PDGFC: variants seen among roughly 807,000 people sequenced by gnomAD.
PDGFC encodes the protein platelet-derived growth factor C.
Under a neutral mutation model 35.5 loss-of-function variants are expected in PDGFC, and 12 were observed. That is an observed-to-expected ratio of 0.34 (90% CI 0.22 to 0.55). The LOEUF (loss-of-function observed/expected upper bound fraction) is 0.55. Ranked by LOEUF, PDGFC falls within the 20% of genes least tolerant of loss-of-function variation. PDGFC has a pLI of 0.91. For missense variants in PDGFC, 322 were observed against 412.4 expected, an observed-to-expected ratio of 0.78 and a Z score of 1.90; for synonymous variants, 159 against 148.8, an observed-to-expected ratio of 1.07 and a Z score of -0.50.
At chr4:156,837,841 T>C (rs1368680566) in intron 2 of PDGFC, among the ~76,000 whole-genome samples, 2 of 152,210 alleles carry the variant, frequency 1.3e-5, no homozygotes, top group Non-Finnish European at 2.9e-5. Context: ...GGACACTTTC[T>C]TTCTCTACTT....
intron 1 of PDGFC, among the ~76,000 whole-genome samples, chr4:156,903,078 A>G (rs913101912): frequency 1.4e-5 from 2 of 140,440 alleles, no homozygotes; most frequent in Non-Finnish European, 3.1e-5. Context: ...CAAAACCAAT[A>G]AGGACAAAGA....
chr4:156,811,008 A>G lies in PDGFC; in HGVS notation c.324T>C (p.Phe108=). The change falls in exon 3 of 6, where the codon TTT becomes TTC. Residue 108 remains phenylalanine (F), a synonymous_variant. Transcript: ENST00000502773. ...DPEDDICKYD[F]VEVEEPSDGT... is the part of the protein sequence containing the mutation. ...CATCACTGGGTTCCTCAACTTCTAC[A>G]AAATCATACCTGCAAAAAGACAAAG... 6.4e-7 allele frequency: 1 copy of G among 1,570,118 alleles called. No individual in the cohort carries two copies. The highest frequency in any genetic ancestry group is 1.7e-4 in the Middle Eastern group (1 of 5,898).
At chr4:156,845,018 G>A (rs910823174) in intron 2 of PDGFC, among the ~76,000 whole-genome samples, 25 of 151,684 alleles carry the variant, frequency 1.6e-4, no homozygotes, top group Non-Finnish European at 1.0e-4. Flanking sequence ...AATATCTGAA[G>A]CAAATGAAGC....
rs528629561 is a variant in PDGFC, at chr4:156,784,484, A to G, written c.496-11591T>C. Among the ~76,000 whole-genome samples the G allele has an allele frequency of 2.6e-5, 4 of 152,320 alleles. No individual in the cohort carries two copies. In the East Asian group the frequency reaches 7.7e-4, roughly 29 times the overall value. On this transcript the variant is annotated intron_variant, in intron 3 of 5. Coordinates refer to ENST00000502773, the MANE Select transcript of PDGFC (RefSeq NM_016205.3). Reference sequence around the variant, plus strand: ...GTGTTCTGTGACCTTAGGAATAGAGAAGTTTCATCGAAGTAAGAAAGGAAG... The same window carrying G: ...GTGTTCTGTGACCTTAGGAATAGAGGAGTTTCATCGAAGTAAGAAAGGAAG...
intron 1 of PDGFC, among the ~76,000 whole-genome samples, chr4:156,852,878 C>T (rs1189943258): frequency 1.3e-5 from 2 of 152,114 alleles, no homozygotes; most frequent in African/African-American, 2.4e-5. Context: ...AGGATGACAG[C>T]CAGCAAGGAA....
At chr4:156,866,738 T>C (rs772284106) in intron 1 of PDGFC, among the ~76,000 whole-genome samples, 1 of 152,178 alleles carries the variant, frequency 6.6e-6, no homozygotes, top group South Asian at 2.1e-4. Flanking sequence ...ACCAGTACTA[T>C]CTATATTTAA....
intron 1 of PDGFC, among the ~76,000 whole-genome samples, chr4:156,968,965 G>T: frequency 6.6e-6 from 1 of 152,192 alleles, no homozygotes; most frequent in East Asian, 1.9e-4. Context: ...ACCACATGCT[G>T]CATGACAGCT....
chr4:156,901,165 T>C (rs1031131237), intron 1 of PDGFC, among the ~76,000 whole-genome samples: 3 of 152,148 alleles, frequency 2.0e-5, no homozygotes, highest in African/African-American at 2.4e-5. Context: ...GACCCACCCA[T>C]AGAGATTCCA....
chr4:156,844,965 C>A (rs1729291124), intron 2 of PDGFC, among the ~76,000 whole-genome samples: 1 of 151,774 alleles, frequency 6.6e-6, no homozygotes. Context: ...TACACTACTG[C>A]AAAAACATGC....
intron 2 of PDGFC, among the ~76,000 whole-genome samples, chr4:156,848,687 C>A (rs1228985000): frequency 6.6e-6 from 1 of 151,936 alleles, no homozygotes; most frequent in African/African-American, 2.4e-5. Context: ...AAGGAATTAA[C>A]TATTTTTGTA....
chr4:156,829,993 A>C (rs1423569161), intron 2 of PDGFC, among the ~76,000 whole-genome samples: 3 of 152,170 alleles, frequency 2.0e-5, no homozygotes, highest in East Asian at 1.9e-4. Flanking sequence ...TAATAGAACC[A>C]AATAGAAACA....
chr4:156,874,670 A>C (rs925227706), intron 1 of PDGFC, among the ~76,000 whole-genome samples: 75 of 152,282 alleles, frequency 4.9e-4, no homozygotes, highest in Middle Eastern at 3.4e-3. Flanking sequence ...ATTGCCTCTT[A>C]GCCAAAAACA....
intron 1 of PDGFC, among the ~76,000 whole-genome samples, chr4:156,969,718 A>T (rs537285729): frequency 6.6e-6 from 1 of 152,320 alleles, no homozygotes; most frequent in African/African-American, 2.4e-5. Context: ...TAATCAAGTG[A>T]CAGAATCCTT....
chr4:156,821,984 G>A (rs6843023), intron 2 of PDGFC, among the ~76,000 whole-genome samples: 9,036 of 152,156 alleles, frequency 0.059, 883 homozygotes, highest in African/African-American at 0.21. Context: ...ATTCAGTAAA[G>A]GGACTGAATT....
chr4:156,788,535 T>G (rs1293981476), intron 3 of PDGFC, among the ~76,000 whole-genome samples: 1 of 152,216 alleles, frequency 6.6e-6, no homozygotes, highest in Admixed American at 6.5e-5. Flanking sequence ...CAATGCTGCT[T>G]CTTATTCAAT....
chr4:156,774,652 CTT>C (rs869200131), intron 3 of PDGFC, among the ~76,000 whole-genome samples: 61 of 133,546 alleles, frequency 4.6e-4, no homozygotes, highest in East Asian at 4.3e-4. Context: ...TGATTTCATC[CTT>C]TTTTTTTTTT....
intron 1 of PDGFC, among the ~76,000 whole-genome samples, chr4:156,888,982 T>G (rs1430000596): frequency 1.3e-5 from 2 of 152,196 alleles, no homozygotes; most frequent in Non-Finnish European, 2.9e-5. Flanking sequence ...GATTCATGGT[T>G]TGTAACAATT....
intron 2 of PDGFC, among the ~76,000 whole-genome samples, chr4:156,818,955 T>C (rs1345261055): frequency 6.6e-6 from 1 of 152,066 alleles, no homozygotes; most frequent in East Asian, 1.9e-4. Flanking sequence ...TGCCACATAA[T>C]AATGAAAAAG....
chr4:156,836,841 C>G (rs767131166), intron 2 of PDGFC, among the ~76,000 whole-genome samples: 1 of 151,934 alleles, frequency 6.6e-6, no homozygotes, highest in East Asian at 1.9e-4. Flanking sequence ...GTGACAAAAT[C>G]CTTAGAGGGG....
Sources: gnomAD v4.1 joint callset for allele counts (sites outside exome capture counted in the v4.1 genomes callset) on GRCh38, gnomAD v4.1.1 for gene constraint, MANE v1.5 for transcripts, NCBI Gene and HGNC (gene_info 2026-07-23, HGNC 2026-07-21) for gene names.